The following SRRM4 variants were observed in gnomAD, a reference collection of about 807,000 sequenced individuals.
The protein encoded by SRRM4 is serine/arginine repetitive matrix 4.
Under a neutral mutation model 68.9 loss-of-function variants are expected in SRRM4, and 33 were observed. That is an observed-to-expected ratio of 0.48 (90% CI 0.36 to 0.64). The LOEUF (loss-of-function observed/expected upper bound fraction) is 0.64. SRRM4 is among the 30% of genes least tolerant of loss of function. SRRM4 has a pLI of 0.00. For synonymous variants in SRRM4, 318 were observed against 318.8 expected (o/e 1.00, Z 0.03); for missense variants, 817 against 827.1 (o/e 0.99, Z 0.15).
chr12:119,072,284 T>G (rs1023050837), intron 1 of SRRM4, among the ~76,000 whole-genome samples: 2 of 152,284 alleles, frequency 1.3e-5, no homozygotes, highest in South Asian at 2.1e-4. Flanking sequence ...GCCAGACTTA[T>G]AAGGGGAAGG....
At chr12:119,018,149 G>C (rs1004850812) in intron 1 of SRRM4, among the ~76,000 whole-genome samples, 1 of 152,160 alleles carries the variant, frequency 6.6e-6, no homozygotes, top group South Asian at 2.1e-4. Context: ...TACATTGAAA[G>C]TCAACTCCCA....
chr12:119,078,997 C>T (rs1953932561), intron 1 of SRRM4, among the ~76,000 whole-genome samples: 1 of 152,168 alleles, frequency 6.6e-6, no homozygotes, highest in Admixed American at 6.5e-5. Flanking sequence ...GGGCTGGACG[C>T]TGTGTTAGAT....
rs1954507669 is a variant in SRRM4 at position 119,160,668 on chromosome 12, C to G, written c.*3870C>G. On this transcript the variant is annotated 3_prime_UTR_variant, in exon 13 of 13. Transcript: ENST00000267260. ...CCCTTTCCCTAGGGCAAAGTTCGAC[C>G]TCTGTTAAGTGGAGGGATTTGTGAG... The G allele has an allele frequency of 6.6e-6, 1 of 152,176 alleles. No homozygotes were observed. The highest frequency in any genetic ancestry group is 6.5e-5 in the Admixed American group (1 of 15,276). 9.4% of individuals were successfully genotyped at this position (152,176 alleles called of 1,614,324 possible).
In SRRM4 at chr12:119,130,679, C is replaced by A. The variant is rs927216687; in HGVS notation, c.616C>A (p.His206Asn). 1 of 1,609,284 alleles carries A rather than the reference C, an allele frequency of 6.2e-7. No individual in the cohort carries two copies. Among genetic ancestry groups the A allele is most frequent in the South Asian group, 1.1e-5 (1 of 90,480 alleles). ...ESRPSSCESRHRGRSPEEGQK... is the reference protein window; with the variant it reads ...ESRPSSCESRNRGRSPEEGQK... ...CAGGTCTCTCTCCCCCATCCCCAGGCACCGCGGCCGGTCCCCTGAGGAAGG... is the reference window on the plus strand; with the variant it reads ...CAGGTCTCTCTCCCCCATCCCCAGGAACCGCGGCCGGTCCCCTGAGGAAGG... The change falls in exon 8 of 13, where the codon CAC becomes AAC. Residue 206 changes from histidine (H) to asparagine (N), a missense_variant and splice_region_variant. Transcript: ENST00000267260.
At position 119,125,474 on chromosome 12, in the gene SRRM4, G is replaced by A; in HGVS notation, c.609G>A (p.Glu203=). Residue 203 remains glutamate (E), a synonymous_variant, in exon 7 of 13, where the codon GAG becomes GAA. Transcript: ENST00000267260. ...QSSESRPSSC[E]SRHRGRSPEE... is the part of the protein sequence containing the mutation. ...CGGAGTCCCGCCCCTCAAGCTGTGA[G>A]AGCAGGTAACCCCTTGCCCCAGGAT... The A allele has an allele frequency of 1.9e-6, 3 of 1,586,410 alleles. No homozygotes were observed. The highest frequency in any genetic ancestry group is 8.6e-7 in the Non-Finnish European group (1 of 1,166,308).
chr12:118,992,986 T>C (rs906059366), intron 1 of SRRM4, among the ~76,000 whole-genome samples: 7 of 152,198 alleles, frequency 4.6e-5, no homozygotes, highest in Admixed American at 1.3e-4. Context: ...TGTGAAATGA[T>C]TTTCCTAAAG....
intron 6 of SRRM4, chr12:119,124,105 A>G (rs10744735): frequency 0.56 from 84,605 of 152,010 alleles, 23,778 homozygotes; most frequent in South Asian, 0.63. Flanking sequence ...TTCATAGGTT[A>G]TTATGAAGAA....
intron 9 of SRRM4, among the ~76,000 whole-genome samples, chr12:119,149,236 C>T (rs928994977): frequency 3.3e-5 from 5 of 152,102 alleles, no homozygotes; most frequent in Admixed American, 2.0e-4. Context: ...CAGTCCCAGC[C>T]ACTCGGGAGG....
chr12:119,036,091 T>C (rs1156786626), intron 1 of SRRM4, among the ~76,000 whole-genome samples: 1 of 152,206 alleles, frequency 6.6e-6, no homozygotes. Context: ...ATGATATCTT[T>C]GACAAGGAGT....
intron 7 of SRRM4, 88 bp downstream of exon 7, chr12:119,125,567 C>T: frequency 8.6e-7 from 1 of 1,162,182 alleles, no homozygotes; most frequent in Non-Finnish European, 1.2e-6. Context: ...CTCCACACTT[C>T]CAGCACAGGG....
At chr12:119,019,261 C>G (rs1318733124) in intron 1 of SRRM4, among the ~76,000 whole-genome samples, 4 of 152,140 alleles carry the variant, frequency 2.6e-5, no homozygotes, top group African/African-American at 9.7e-5. Flanking sequence ...AGTTGAGCCC[C>G]AAATCCTTTG....
In SRRM4 at chr12:119,041,738, T is replaced by C. The variant is rs930400108; in HGVS notation, c.131+59725T>C. Among the ~76,000 whole-genome samples, 4 of 152,298 alleles carry C rather than the reference T, an allele frequency of 2.6e-5. No homozygotes were observed. The South Asian group carries it at 6.2e-4, about 24-fold the overall frequency. On this transcript the variant is annotated intron_variant, in intron 1 of 12. Coordinates refer to ENST00000267260, the MANE Select transcript of SRRM4 (RefSeq NM_194286.4). ...AACCAGTGCCCCACTTGATTCTTGA[T>C]TGGAAATCAGGTAGTGTTGAGACTC...
Position 119,158,196 on chromosome 12 carries a change from A to G in SRRM4, c.*1398A>G, listed in dbSNP as rs1447782927. The G allele has an allele frequency of 1.3e-5, 2 of 152,730 alleles. No homozygotes were observed. Among genetic ancestry groups the G allele is most frequent in the Non-Finnish European group, 2.9e-5 (2 of 68,134 alleles). 9.5% of individuals were successfully genotyped at this position (152,730 alleles called of 1,614,324 possible). On this transcript the variant is annotated 3_prime_UTR_variant, in exon 13 of 13. Transcript: ENST00000267260. ...AAATAAACTCTTGGGCATCCCCCTC[A>G]CCAGCTGACTGGCTTTCCGGAGGCT...
rs937694471 is a variant in SRRM4, at chr12:119,024,494, A to AAC, written c.131+42491_131+42492dup. On this transcript the variant is annotated intron_variant, in intron 1 of 12. Coordinates refer to ENST00000267260, the MANE Select transcript of SRRM4 (RefSeq NM_194286.4). ...GCTGGGCCCCTTTGTGTAACTCAGC[A>AAC]ACACACACACATAGAAGCCCTGCTC... Among the ~76,000 whole-genome samples, 51 of 152,316 alleles carry AAC rather than the reference A, an allele frequency of 3.3e-4. 1 individual carries two copies. The highest frequency in any genetic ancestry group is 1.2e-3 in the African/African-American group (50 of 41,584).
intron 1 of SRRM4, among the ~76,000 whole-genome samples, chr12:119,022,644 G>A (rs1229673364): frequency 1.3e-5 from 2 of 152,204 alleles, no homozygotes; most frequent in Non-Finnish European, 2.9e-5. Flanking sequence ...GAGGGATTGT[G>A]AAGTTTTGTC....
At chr12:119,006,092 C>T (rs1953414425) in intron 1 of SRRM4, among the ~76,000 whole-genome samples, 2 of 152,174 alleles carry the variant, frequency 1.3e-5, no homozygotes, top group Admixed American at 1.3e-4. Flanking sequence ...GATTGTGACG[C>T]CCATTGCATC....
chr12:119,117,271 T>C (rs972321705), intron 4 of SRRM4, among the ~76,000 whole-genome samples: 1 of 152,132 alleles, frequency 6.6e-6, no homozygotes, highest in Non-Finnish European at 1.5e-5. Context: ...AGCAAGGGGC[T>C]AGAACAAGGA....
At chr12:119,138,099 C>A (rs1201781159) in intron 8 of SRRM4, among the ~76,000 whole-genome samples, 1 of 151,996 alleles carries the variant, frequency 6.6e-6, no homozygotes, top group Admixed American at 6.6e-5. Context: ...AGAGCTCATG[C>A]CCCATCTAAA....
rs1347805081 is a variant in SRRM4 at position 119,161,986 on chromosome 12, AT to A, written c.*5190del. 6.6e-6 allele frequency: 1 copy of A among 152,014 alleles called. No individual in the cohort carries two copies. The allele number at this position is 152,014 out of a possible 1,614,324, so 9.4% of individuals were successfully genotyped here. ...GCCAAGCCAAAAAGACTGCAATGGT[AT>A]TCCTATGTGTTTCTTTGGCCTGTGT... On this transcript the variant is annotated 3_prime_UTR_variant, in exon 13 of 13. Transcript: ENST00000267260.
Sources: gnomAD v4.1 joint callset for allele counts (sites outside exome capture counted in the v4.1 genomes callset) on GRCh38, gnomAD v4.1.1 for gene constraint, MANE v1.5 for transcripts, NCBI Gene and HGNC (gene_info 2026-07-23, HGNC 2026-07-21) for gene names.